Variants in HPSE2 observed in about 807,000 individuals in gnomAD.
The protein encoded by HPSE2 is inactive heparanase-2.
A neutral mutation model predicts 60.5 loss-of-function variants in HPSE2; 38 were observed. The ratio of observed to expected loss-of-function variants is 0.63; its 90% CI spans 0.48 to 0.82. The LOEUF (loss-of-function observed/expected upper bound fraction) is 0.82. Ranked by LOEUF, HPSE2 falls within the 40% of genes least tolerant of loss-of-function variation. HPSE2 has a pLI of 0.00. For missense variants in HPSE2, 713 were observed against 740.4 expected (o/e 0.96, Z 0.43); for synonymous variants, 295 against 293.2 (o/e 1.01, Z -0.06).
intron 6 of HPSE2, among the ~76,000 whole-genome samples, chr10:98,683,139 C>T (rs111289683): frequency 3.9e-5 from 6 of 152,114 alleles, no homozygotes; most frequent in African/African-American, 1.4e-4. Flanking sequence ...CCCTAATGAC[C>T]TAATCAAATC....
intron 3 of HPSE2, among the ~76,000 whole-genome samples, chr10:98,819,701 A>G (rs1299241508): frequency 6.6e-6 from 1 of 152,168 alleles, no homozygotes; most frequent in Non-Finnish European, 1.5e-5. Context: ...CAGACATTGG[A>G]CAAATCCACT....
chr10:99,096,951 C>T (rs1843738613), intron 3 of HPSE2, among the ~76,000 whole-genome samples: 1 of 152,248 alleles, frequency 6.6e-6, no homozygotes, highest in East Asian at 1.9e-4. Flanking sequence ...AAGGTAAAGC[C>T]ATGCCAGACA....
chr10:99,173,083 T>C (rs757411012), intron 2 of HPSE2, among the ~76,000 whole-genome samples: 2 of 152,078 alleles, frequency 1.3e-5, no homozygotes, highest in African/African-American at 4.8e-5. Flanking sequence ...TGGAGTATAG[T>C]AGGGTGGGAA....
intron 2 of HPSE2, among the ~76,000 whole-genome samples, chr10:99,163,187 G>T (rs1319878203): frequency 1.3e-5 from 2 of 148,712 alleles, no homozygotes; most frequent in African/African-American, 4.9e-5. Context: ...CTCCAGCATG[G>T]GTGACAGGGC....
chr10:99,284,456 A>C, the HPSE2 span, among the ~76,000 whole-genome samples: 1 of 152,198 alleles, frequency 6.6e-6, no homozygotes, highest in South Asian at 2.1e-4. Flanking sequence ...GCTGGACCTC[A>C]CCTTACACCA....
intron 4 of HPSE2, among the ~76,000 whole-genome samples, chr10:98,735,408 T>C: frequency 6.7e-6 from 1 of 150,088 alleles, no homozygotes; most frequent in Non-Finnish European, 1.5e-5. Flanking sequence ...GCTACAGGGG[T>C]GAAGCCCTCA....
intron 3 of HPSE2, among the ~76,000 whole-genome samples, chr10:99,119,096 A>AGGGAGGGCGGGAGG (rs1564822378): frequency 8.5e-6 from 1 of 117,862 alleles, no homozygotes; most frequent in Non-Finnish European, 1.7e-5. Context: ...AAAGAGAGAG[A>AGGGAGGGCGGGAGG]GAGGGAGGGA....
chr10:98,935,146 T>G (rs1954752536), intron 3 of HPSE2, among the ~76,000 whole-genome samples: 1 of 142,400 alleles, frequency 7.0e-6, no homozygotes, highest in Non-Finnish European at 1.5e-5. Context: ...GTTGCTTATG[T>G]TCCTCTCTAG....
intron 3 of HPSE2, among the ~76,000 whole-genome samples, chr10:98,844,403 C>A (rs1951987397): frequency 6.6e-6 from 1 of 152,092 alleles, no homozygotes; most frequent in South Asian, 2.1e-4. Flanking sequence ...TATTCATATT[C>A]TTATGTGATT....
chr10:98,653,195 G>A (rs1946963948), intron 6 of HPSE2, among the ~76,000 whole-genome samples: 1 of 152,140 alleles, frequency 6.6e-6, no homozygotes, highest in Non-Finnish European at 1.5e-5. Context: ...TGATTTGTGT[G>A]TGCATGGTGT....
the HPSE2 span, among the ~76,000 whole-genome samples, chr10:99,281,381 TCTG>T: frequency 6.6e-6 from 1 of 151,356 alleles, no homozygotes; most frequent in South Asian, 2.1e-4. Flanking sequence ...TCCAACTTAC[TCTG>T]CTACCTCATT....
chr10:99,172,302 A>G (rs1847341819), intron 2 of HPSE2, among the ~76,000 whole-genome samples: 1 of 152,208 alleles, frequency 6.6e-6, no homozygotes, highest in African/African-American at 2.4e-5. Context: ...GAAGCAAACC[A>G]AAATTCCTCA....
chr10:99,116,887 C>G (rs1844713654), intron 3 of HPSE2, among the ~76,000 whole-genome samples: 2 of 152,070 alleles, frequency 1.3e-5, no homozygotes, highest in South Asian at 2.1e-4. Flanking sequence ...ACTGAAAGTA[C>G]AATACCCCCA....
chr10:98,804,916 G>A (rs1951006548), intron 3 of HPSE2, among the ~76,000 whole-genome samples: 1 of 152,082 alleles, frequency 6.6e-6, no homozygotes, highest in African/African-American at 2.4e-5. Context: ...TAAATAAAAT[G>A]TGATACTTAT....
At chr10:99,125,364 G>A (rs1845122459) in intron 3 of HPSE2, among the ~76,000 whole-genome samples, 1 of 152,116 alleles carries the variant, frequency 6.6e-6, no homozygotes, top group Admixed American at 6.6e-5. Flanking sequence ...TTTCTTTATG[G>A]CATGGGAGAG....
In HPSE2 at chr10:98,800,852, G is replaced by A. The variant is rs141151082; in HGVS notation, c.611-56796C>T. On this transcript the variant is annotated intron_variant, in intron 3 of 11. Transcript: ENST00000370552. ...ACTATTCTGAAAAATAGAGGAGGACGGAATACTTCCAAACTCATTCTGTGA... is the reference window on the plus strand; with the variant it reads ...ACTATTCTGAAAAATAGAGGAGGACAGAATACTTCCAAACTCATTCTGTGA... 6.9e-4 allele frequency among the ~76,000 whole-genome samples: 105 copies of A among 152,198 alleles called. 1 individual carries two copies. Among genetic ancestry groups the A allele is most frequent in the African/African-American group, 2.5e-3 (102 of 41,526 alleles).
the HPSE2 span, among the ~76,000 whole-genome samples, chr10:99,305,973 G>GCACACACACACACACACACACA: frequency 1.4e-3 from 63 of 44,040 alleles, no homozygotes; most frequent in East Asian, 4.5e-3. Context: ...GCGCGCGCGC[G>GCACACACACACACACACACACA]CGCGCGCACA....
chr10:98,765,734 T>G (rs1297696045), intron 3 of HPSE2, among the ~76,000 whole-genome samples: 2 of 151,962 alleles, frequency 1.3e-5, no homozygotes, highest in Non-Finnish European at 2.9e-5. Context: ...TCCCAGTTAC[T>G]CAGGAGGCTG....
At chr10:98,566,593 T>C (rs754017737) in intron 9 of HPSE2, among the ~76,000 whole-genome samples, 7 of 152,204 alleles carry the variant, frequency 4.6e-5, no homozygotes, top group South Asian at 2.1e-4. Context: ...AGCACGTAGA[T>C]TTTCTGCCCA....
Sources: gnomAD v4.1 joint callset for allele counts (sites outside exome capture counted in the v4.1 genomes callset) on GRCh38, gnomAD v4.1.1 for gene constraint, MANE v1.5 for transcripts, NCBI Gene and HGNC (gene_info 2026-07-23, HGNC 2026-07-21) for gene names.